The following ZNF423 variants were observed in gnomAD, a reference collection of about 807,000 sequenced individuals.
The protein encoded by ZNF423 is Ebf-associated zinc finger protein.
ZNF423 carries 12 observed loss-of-function variants against 95.8 expected under a neutral mutation model. The observed-to-expected ratio is 0.13, with a 90% CI of 0.08 to 0.20. The LOEUF is 0.20. Ranked by LOEUF, ZNF423 falls within the 10% of genes least tolerant of loss-of-function variation. The pLI is 1.00. For missense variants in ZNF423, 1,316 were observed against 1,737.1 expected (o/e 0.76, Z 4.31); for synonymous variants, 749 against 711.9 (o/e 1.05, Z -0.83).
chr16:49,702,875 A>G (rs2032229388), intron 3 of ZNF423, among the ~76,000 whole-genome samples: 1 of 151,444 alleles, frequency 6.6e-6, no homozygotes, highest in African/African-American at 2.4e-5. Flanking sequence ...GTGCTGGAGG[A>G]GCGAGTGCCA....
chr16:49,598,805 G>C (rs1376229059), intron 5 of ZNF423, among the ~76,000 whole-genome samples: 1 of 152,272 alleles, frequency 6.6e-6, no homozygotes, highest in Non-Finnish European at 1.5e-5. Flanking sequence ...GGTGATGTTA[G>C]GACTGGATGC....
intron 4 of ZNF423, among the ~76,000 whole-genome samples, chr16:49,631,508 C>A (rs987733307): frequency 1.3e-4 from 20 of 152,140 alleles, no homozygotes; most frequent in Non-Finnish European, 2.2e-4. Flanking sequence ...AAAGCACCTC[C>A]CCTGCCATAA....
chr16:49,745,279 C>T (rs1318294725), intron 2 of ZNF423, among the ~76,000 whole-genome samples: 1 of 152,138 alleles, frequency 6.6e-6, no homozygotes, highest in Non-Finnish European at 1.5e-5. Flanking sequence ...AATTATTGCT[C>T]GTGCTCTCCC....
intron 1 of ZNF423, among the ~76,000 whole-genome samples, chr16:49,813,876 C>A (rs2034794157): frequency 6.6e-6 from 1 of 152,230 alleles, no homozygotes; most frequent in African/African-American, 2.4e-5. Context: ...GCTCTTTGGA[C>A]AGGGGCCAGG....
chr16:49,624,205 T>C (rs1423483432), intron 5 of ZNF423, among the ~76,000 whole-genome samples: 1 of 152,006 alleles, frequency 6.6e-6, no homozygotes, highest in African/African-American at 2.4e-5. Context: ...AAATATAATA[T>C]CTATATATTC....
intron 5 of ZNF423, among the ~76,000 whole-genome samples, chr16:49,550,817 G>A (rs1035457446): frequency 4.6e-5 from 7 of 152,260 alleles, no homozygotes; most frequent in Non-Finnish European, 8.8e-5. Context: ...TCTGAGGGCT[G>A]CTTGCCAACT....
chr16:49,491,454 C>T, intron 7 of ZNF423, 150 bp from the exon 8 acceptor site: 1 of 945,876 alleles, frequency 1.1e-6, no homozygotes. Context: ...GCTCCAGGGA[C>T]GCAGCTGCCA....
At position 49,675,978 on chromosome 16, in the gene ZNF423, A is replaced by G. The variant is rs541267598; in HGVS notation, c.302-37104T>C. ...CACGCACCTGCATACATATGCATGG[A>G]CACACTCACACAGGCATGCACACAC... On this transcript the variant is annotated intron_variant, in intron 3 of 7. Transcript: ENST00000563137. Among the ~76,000 whole-genome samples, 46 of 152,332 alleles carry G rather than the reference A, an allele frequency of 3.0e-4. 1 individual carries two copies. Among genetic ancestry groups the G allele is most frequent in the Admixed American group, 1.1e-3 (17 of 15,306 alleles).
chr16:49,661,341 T>TA, intron 3 of ZNF423, among the ~76,000 whole-genome samples: 1 of 151,874 alleles, frequency 6.6e-6, no homozygotes, highest in South Asian at 2.1e-4. Context: ...AGAATAAGGG[T>TA]ATGTGAATAT....
rs1238406506 is a variant in ZNF423, at chr16:49,714,664, C to G, written c.301+16107G>C. ...ACTGATGAGGCCGGGTGCAATGGCT[C>G]ACACCTGTAATCCCAACACTTTGGG... On this transcript the variant is annotated intron_variant, in intron 3 of 7. Transcript: ENST00000563137. Among the ~76,000 whole-genome samples the G allele has an allele frequency of 2.0e-5, 3 of 151,360 alleles. No homozygotes were observed. The South Asian group carries it at 6.3e-4, about 32-fold the overall frequency.
intron 1 of ZNF423, among the ~76,000 whole-genome samples, chr16:49,838,987 C>T (rs999523868): frequency 6.6e-5 from 10 of 151,768 alleles, no homozygotes; most frequent in African/African-American, 1.5e-4. Flanking sequence ...GCCGGGCTCC[C>T]CTCGGGTAGC....
intron 1 of ZNF423, among the ~76,000 whole-genome samples, chr16:49,841,716 C>T (rs1197214918): frequency 6.6e-6 from 1 of 152,260 alleles, no homozygotes; most frequent in Admixed American, 6.5e-5. Flanking sequence ...TGGTTAGGGT[C>T]TACTCCCCTC....
At chr16:49,858,721 C>CCG (rs1555491190), upstream of ZNF423, among the ~76,000 whole-genome samples, 6 of 141,834 alleles carry the variant, frequency 4.2e-5, no homozygotes, top group African/African-American at 1.5e-4. This position sits in a 1 kb window ranked among gnomAD's most constrained non-coding sequence, Gnocchi z 4.3. Flanking sequence ...ATAGGAGCCC[C>CCG]CCCCCCCACG....
chr16:49,688,493 A>T (rs1209150677), intron 3 of ZNF423, among the ~76,000 whole-genome samples: 2 of 152,138 alleles, frequency 1.3e-5, no homozygotes, highest in South Asian at 4.2e-4. Context: ...CTTCAGGAAG[A>T]TGTCTTGCTG....
At chr16:49,812,236 C>T (rs2034765133) in intron 1 of ZNF423, among the ~76,000 whole-genome samples, 1 of 152,228 alleles carries the variant, frequency 6.6e-6, no homozygotes, top group African/African-American at 2.4e-5. Context: ...AAATCCAGAC[C>T]TATGCAATTT....
chr16:49,664,177 C>A, intron 3 of ZNF423: 3 of 985,550 alleles, frequency 3.0e-6, no homozygotes, highest in Non-Finnish European at 3.6e-6. Context: ...CAGCACCCGG[C>A]GGCAGGGCAG....
At chr16:49,491,379 T>C (rs1450475531) in intron 7 of ZNF423, 75 bp from the exon 8 acceptor site, 6 of 1,570,926 alleles carry the variant, frequency 3.8e-6, no homozygotes, top group Non-Finnish European at 5.2e-6. Flanking sequence ...ACTCAGTGCA[T>C]TTACGCCGGG....
chr16:49,748,849 G>A (rs1018716504), intron 2 of ZNF423, among the ~76,000 whole-genome samples: 5 of 152,158 alleles, frequency 3.3e-5, no homozygotes, highest in Non-Finnish European at 7.3e-5. Context: ...TAGAAGAGGG[G>A]TTCCAGCTTC....
At chr16:49,756,444 G>C (rs1030999597) in intron 2 of ZNF423, among the ~76,000 whole-genome samples, 4 of 152,162 alleles carry the variant, frequency 2.6e-5, no homozygotes, top group Non-Finnish European at 5.9e-5. Flanking sequence ...TTGGAAAACA[G>C]CCTTTTGGAA....
Sources: allele counts gnomAD v4.1 joint callset (sites outside exome capture counted in the v4.1 genomes callset), GRCh38; gene constraint gnomAD v4.1.1; non-coding constraint Gnocchi (gnomAD v3.1); transcripts MANE v1.5; gene names NCBI Gene and HGNC (gene_info 2026-07-23, HGNC 2026-07-21).